The following SGPL1 variants were observed in gnomAD, a reference collection of about 807,000 sequenced individuals.
SGPL1 encodes SP-lyase 1.
SGPL1 carries 37 observed loss-of-function variants against 68.9 expected under a neutral mutation model. That is an observed-to-expected ratio of 0.54 (90% CI 0.41 to 0.71). SGPL1 has a LOEUF of 0.71. SGPL1 is among the 30% of genes least tolerant of loss of function. The pLI is 0.00. For missense variants in SGPL1, 551 were observed against 704.6 expected (o/e 0.78, Z 2.47); for synonymous variants, 236 against 248.5 (o/e 0.95, Z 0.47).
chr10:70,828,280 G>A (rs1187484097), intron 2 of SGPL1, among the ~76,000 whole-genome samples: 1 of 152,172 alleles, frequency 6.6e-6, no homozygotes, highest in Admixed American at 6.5e-5. Context: ...AGAGCACTGA[G>A]AACTCTTTCC....
In SGPL1 at chr10:70,859,451, GA is replaced by G; in HGVS notation, c.568del (p.Arg190GlyfsTer2). On this transcript the variant is annotated frameshift_variant, in exon 7 of 15. Coordinates refer to ENST00000373202, the MANE Select transcript of SGPL1 (RefSeq NM_003901.4). LOFTEE classifies it high-confidence loss of function. ...GLRKIEAEIV[R>X]IACSLFNGGP... ...TACGCAAGATAGAGGCAGAAATCGT[GA>G]GGATAGCTTGTTCCCTGTTCAATGG... 1 of 1,570,998 alleles carries G rather than the reference GA, an allele frequency of 6.4e-7. No homozygotes were observed. Among genetic ancestry groups the G allele is most frequent in the East Asian group, 2.4e-5 (1 of 41,914 alleles).
Position 70,867,830 on chromosome 10 carries a change from A to G in SGPL1, c.616-515A>G, listed in dbSNP as rs181226227. ...TTGTTTTATTTCAGATAAGGCAACA[A>G]ACTTCCATCAAGTAGAAACTTCTGC... On this transcript the variant is annotated intron_variant, in intron 7 of 14. Coordinates refer to ENST00000373202, the MANE Select transcript of SGPL1 (RefSeq NM_003901.4). Among the ~76,000 whole-genome samples, 974 of 152,346 alleles carry G rather than the reference A, an allele frequency of 6.4e-3. 5 individuals carry two copies. The highest frequency in any genetic ancestry group is 0.022 in the African/African-American group (929 of 41,576).
At chr10:70,857,539 C>A in intron 5 of SGPL1, 75 bp from the exon 6 acceptor site, 1 of 1,213,562 alleles carries the variant, frequency 8.2e-7, no homozygotes, top group South Asian at 1.2e-5. Flanking sequence ...GAGTTTCTTC[C>A]TGTTTCTTCT....
At chr10:70,819,836 T>C (rs1230953269) in intron 2 of SGPL1, among the ~76,000 whole-genome samples, 2 of 152,186 alleles carry the variant, frequency 1.3e-5, no homozygotes, top group African/African-American at 2.4e-5. Flanking sequence ...TAGTTTGCCA[T>C]GTTACCCAGG....
At chr10:70,822,653 G>A (rs1324126238) in intron 2 of SGPL1, among the ~76,000 whole-genome samples, 1 of 152,192 alleles carries the variant, frequency 6.6e-6, no homozygotes, top group Non-Finnish European at 1.5e-5. Flanking sequence ...CGAGTAGTTT[G>A]TGGATATATC....
At chr10:70,847,534 C>G (rs1236896991) in intron 3 of SGPL1, among the ~76,000 whole-genome samples, 1 of 152,046 alleles carries the variant, frequency 6.6e-6, no homozygotes, top group African/African-American at 2.4e-5. Flanking sequence ...ATAATAAGAA[C>G]AAAATTAAAA....
At position 70,871,873 on chromosome 10, in the gene SGPL1, G is replaced by A. The variant is rs752537084; in HGVS notation, c.946G>A (p.Ala316Thr). 29 of 1,613,874 alleles carry A rather than the reference G, an allele frequency of 1.8e-5. No homozygotes were observed. Among genetic ancestry groups the A allele is most frequent in the African/African-American group, 4.0e-5 (3 of 74,858 alleles). ...ATACAAAATACCCCTTCATGTCGAC[G>A]CTTGTCTGGGAGGCTTCCTCATCGT... ...VKYKIPLHVD[A>T]CLGGFLIVFM... Residue 316 changes from alanine (A) to threonine (T), a missense_variant, in exon 11 of 15, where the codon GCT (alanine) becomes ACT (threonine). Coordinates refer to ENST00000373202, the MANE Select transcript of SGPL1 (RefSeq NM_003901.4).
rs116419540 is a variant in SGPL1 at position 70,868,649 on chromosome 10, C to T, written c.704+216C>T. ...TTATTTTTAAAGATCATTCCCATCC[C>T]GCCCCACCCCCAGATCATGCATAGT... On this transcript the variant is annotated intron_variant, in intron 8 of 14. Transcript: ENST00000373202. Among the ~76,000 whole-genome samples, 1,356 of 152,038 alleles carry T rather than the reference C, an allele frequency of 8.9e-3. 33 individuals carry two copies. The highest frequency in any genetic ancestry group is 0.031 in the African/African-American group (1,286 of 41,450).
chr10:70,843,010 T>C (rs563727233), intron 2 of SGPL1, among the ~76,000 whole-genome samples: 5 of 152,380 alleles, frequency 3.3e-5, no homozygotes, highest in African/African-American at 1.2e-4. Context: ...ACTTTTGCCA[T>C]ATGCAGACTC....
chr10:70,868,486 A>G (rs1270318257), intron 8 of SGPL1, 53 bp downstream of exon 8: 1 of 1,404,136 alleles, frequency 7.1e-7, no homozygotes. Context: ...TCTGGAGTAC[A>G]GCTTTATGAA....
chr10:70,834,185 C>G (rs1390909119), intron 2 of SGPL1, among the ~76,000 whole-genome samples: 2 of 152,134 alleles, frequency 1.3e-5, no homozygotes, highest in Admixed American at 1.3e-4. Context: ...TGTTGCCTGT[C>G]AGAATCACCG....
intron 7 of SGPL1, among the ~76,000 whole-genome samples, chr10:70,864,216 C>T (rs1589470446): frequency 6.6e-6 from 1 of 152,220 alleles, no homozygotes; most frequent in East Asian, 1.9e-4. Flanking sequence ...CCCCTTTCTC[C>T]CTGAATCTTC....
intron 2 of SGPL1, among the ~76,000 whole-genome samples, chr10:70,826,753 G>GT (rs914779367): frequency 1.1e-4 from 16 of 150,168 alleles, no homozygotes; most frequent in South Asian, 4.2e-4. Flanking sequence ...AGTTTAGTTT[G>GT]TTTTTTTTTA....
At chr10:70,822,461 A>G (rs2131847356) in intron 2 of SGPL1, among the ~76,000 whole-genome samples, 1 of 152,362 alleles carries the variant, frequency 6.6e-6, no homozygotes, top group South Asian at 2.1e-4. Flanking sequence ...CTAATATTAT[A>G]TACAGTTTGT....
chr10:70,860,299 T>G (rs1252246306), intron 7 of SGPL1: 1 of 447,790 alleles, frequency 2.2e-6, no homozygotes, highest in African/African-American at 2.1e-5. Context: ...TATCAGATAC[T>G]CATCATATTT....
chr10:70,837,463 CT>C lies in SGPL1; in HGVS notation c.28-7009del, dbSNP rs1239409836. Among the ~76,000 whole-genome samples the C allele has an allele frequency of 2.0e-5, 3 of 152,290 alleles. No individual in the cohort carries two copies. The East Asian group carries it at 5.8e-4, about 29-fold the overall frequency. On this transcript the variant is annotated intron_variant, in intron 2 of 14. Coordinates refer to ENST00000373202, the MANE Select transcript of SGPL1 (RefSeq NM_003901.4). Reference sequence around the variant, plus strand: ...TCTTTTTCTAAATTAGTTTTATTCCCTCTGTAATCAGAGGGTCACCAAATCT... The same window carrying C: ...TCTTTTTCTAAATTAGTTTTATTCCCCTGTAATCAGAGGGTCACCAAATCT...
In SGPL1 at chr10:70,878,870, G is replaced by C. The variant is rs896424048; in HGVS notation, c.*1535G>C. 1 of 152,738 alleles carries C rather than the reference G, an allele frequency of 6.5e-6. No homozygotes were observed. The highest frequency in any genetic ancestry group is 1.5e-5 in the Non-Finnish European group (1 of 68,146). 9.5% of individuals were successfully genotyped at this position (152,738 alleles called of 1,614,324 possible). A position where few individuals can be genotyped will look rare whatever the true frequency, so the allele number is the denominator to read the frequency against. On this transcript the variant is annotated 3_prime_UTR_variant, in exon 15 of 15. Transcript: ENST00000373202. Reference sequence around the variant, plus strand: ...GGGAGAGAAACAGGATAGGAAAGCAGAATGGCGAGCAGCCTATGGCCCAGG... The same window carrying C: ...GGGAGAGAAACAGGATAGGAAAGCACAATGGCGAGCAGCCTATGGCCCAGG...
In SGPL1 at chr10:70,880,851, T is replaced by C. The variant is rs1564635063; in HGVS notation, c.*3516T>C. The C allele has an allele frequency of 6.6e-6, 1 of 152,172 alleles. No individual in the cohort carries two copies. Among genetic ancestry groups the C allele is most frequent in the Non-Finnish European group, 1.5e-5 (1 of 68,024 alleles). 9.4% of individuals were successfully genotyped at this position (152,172 alleles called of 1,614,324 possible). A position where few individuals can be genotyped will look rare whatever the true frequency, so the allele number is the denominator to read the frequency against. ...ATGTACTTGGATGAGGAGGCCTGGC[T>C]TATCTAGGAAGTCGTGTCTGGGGTG... On this transcript the variant is annotated 3_prime_UTR_variant, in exon 15 of 15. Coordinates refer to ENST00000373202, the MANE Select transcript of SGPL1 (RefSeq NM_003901.4).
intron 4 of SGPL1, among the ~76,000 whole-genome samples, chr10:70,853,736 A>G (rs1400711100): frequency 6.6e-6 from 1 of 152,254 alleles, no homozygotes; most frequent in African/African-American, 2.4e-5. Flanking sequence ...GATGGAAAAG[A>G]AGGGAACCAT....
Sources: gnomAD v4.1 joint callset for allele counts (sites outside exome capture counted in the v4.1 genomes callset) on GRCh38, gnomAD v4.1.1 for gene constraint, MANE v1.5 for transcripts, NCBI Gene and HGNC (gene_info 2026-07-23, HGNC 2026-07-21) for gene names.